Variants in HIKESHI observed in about 807,000 individuals in gnomAD.
HIKESHI encodes heat shock protein nuclear import factor hikeshi.
Under a neutral mutation model 25.7 loss-of-function variants are expected in HIKESHI, and 13 were observed. The ratio of observed to expected loss-of-function variants is 0.51; its 90% CI spans 0.33 to 0.80. The LOEUF is 0.80. Among genes scored for constraint, HIKESHI ranks in the 30% least tolerant of loss-of-function variants. HIKESHI has a pLI of 0.02. For synonymous variants in HIKESHI, 76 were observed against 78.7 expected (o/e 0.97, Z 0.18); for missense variants, 174 against 229.5 (o/e 0.76, Z 1.56).
At chr11:86,338,453 A>G (rs1489975826) in intron 3 of HIKESHI, among the ~76,000 whole-genome samples, 2 of 152,206 alleles carry the variant, frequency 1.3e-5, no homozygotes, top group Admixed American at 1.3e-4. Context: ...AGGCTGGTAG[A>G]TGTGGTGATG....
At chr11:86,307,383 AT>A (rs199528459) in intron 2 of HIKESHI, among the ~76,000 whole-genome samples, 1,792 of 28,198 alleles carry the variant, frequency 0.064, 394 homozygotes, top group African/African-American at 0.18. Context: ...TTATATATCA[AT>A]ATATTATGTG....
Position 86,316,771 on chromosome 11 carries a change from C to CTTTTTTTTTTTTTTT in HIKESHI, c.268+10315_268+10329dup, listed in dbSNP as rs71040229. ...TTATGAGTAATGAATCTGAAACATT[C>CTTTTTTTTTTTTTTT]TTTTTTTTTTTTTTTTTTTTTTTTT... On this transcript the variant is annotated intron_variant, in intron 2 of 4. Coordinates refer to ENST00000278483, the MANE Select transcript of HIKESHI (RefSeq NM_016401.4). Among the ~76,000 whole-genome samples, 45 of 68,792 alleles carry CTTTTTTTTTTTTTTT rather than the reference C, an allele frequency of 6.5e-4. 3 individuals are homozygous for CTTTTTTTTTTTTTTT. The highest frequency in any genetic ancestry group is 9.6e-4 in the Non-Finnish European group (36 of 37,488). The allele number at this position is 68,792 out of a possible 152,430, so 45.1% of individuals were successfully genotyped here. A position where few individuals can be genotyped will look rare whatever the true frequency, so the allele number is the denominator to read the frequency against.
At chr11:86,306,170 A>G (rs1946617780) in intron 1 of HIKESHI, 75 bp from the exon 2 acceptor site, 1 of 937,868 alleles carries the variant, frequency 1.1e-6, no homozygotes, top group South Asian at 1.6e-5. Flanking sequence ...TGGTAATATA[A>G]CTTATAAATG....
chr11:86,308,434 T>C (rs1431068046), intron 2 of HIKESHI, among the ~76,000 whole-genome samples: 2 of 146,850 alleles, frequency 1.4e-5, no homozygotes, highest in Non-Finnish European at 3.0e-5. Context: ...ATAAACCAGA[T>C]AGACTTGTAT....
chr11:86,305,955 C>T (rs1946612080), intron 1 of HIKESHI, among the ~76,000 whole-genome samples: 1 of 152,118 alleles, frequency 6.6e-6, no homozygotes, highest in Non-Finnish European at 1.5e-5. Flanking sequence ...GTTGGCCAAG[C>T]TGGTCTTGAA....
At chr11:86,328,654 G>A (rs181017199) in intron 2 of HIKESHI, among the ~76,000 whole-genome samples, 2 of 152,136 alleles carry the variant, frequency 1.3e-5, no homozygotes, top group Non-Finnish European at 2.9e-5. Flanking sequence ...ATCTTAGCCA[G>A]GCTGGTCTTG....
intron 3 of HIKESHI, among the ~76,000 whole-genome samples, chr11:86,339,899 C>T (rs1947676513): frequency 6.6e-6 from 1 of 151,772 alleles, no homozygotes; most frequent in South Asian, 2.1e-4. Context: ...TCCCCCTGCC[C>T]CCCACCCCAA....
intron 3 of HIKESHI, among the ~76,000 whole-genome samples, chr11:86,340,749 A>G (rs1381321101): frequency 6.6e-6 from 1 of 152,134 alleles, no homozygotes; most frequent in Non-Finnish European, 1.5e-5. Flanking sequence ...GGTTCAAGCA[A>G]TTCTCCTGTC....
chr11:86,332,395 G>C (rs1185642172), intron 2 of HIKESHI, among the ~76,000 whole-genome samples: 1 of 151,814 alleles, frequency 6.6e-6, no homozygotes, highest in Non-Finnish European at 1.5e-5. Context: ...TACTTCATGA[G>C]TTTTATTCTT....
At chr11:86,306,861 G>A (rs530954938) in intron 2 of HIKESHI, among the ~76,000 whole-genome samples, 36 of 151,532 alleles carry the variant, frequency 2.4e-4, no homozygotes, top group African/African-American at 7.7e-4. Flanking sequence ...TTAGCCGGGC[G>A]TGGTGGTGGG....
intron 2 of HIKESHI, among the ~76,000 whole-genome samples, chr11:86,311,014 TA>T (rs558355253): frequency 2.6e-5 from 4 of 152,348 alleles, no homozygotes; most frequent in African/African-American, 9.6e-5. Context: ...GTTATTGGTC[TA>T]AAATTCTCTT....
intron 2 of HIKESHI, among the ~76,000 whole-genome samples, chr11:86,319,490 C>T (rs1947097254): frequency 6.6e-6 from 1 of 151,742 alleles, no homozygotes; most frequent in African/African-American, 2.4e-5. Context: ...CTCCTGGGCT[C>T]AAGCAGTCCA....
intron 2 of HIKESHI, among the ~76,000 whole-genome samples, chr11:86,310,393 T>C (rs1946802950): frequency 6.6e-6 from 1 of 152,330 alleles, no homozygotes; most frequent in South Asian, 2.1e-4. Context: ...GTAAGAATGC[T>C]TGTGGTTTTT....
intron 2 of HIKESHI, among the ~76,000 whole-genome samples, chr11:86,332,239 C>T (rs1947446081): frequency 6.6e-6 from 1 of 152,140 alleles, no homozygotes; most frequent in African/African-American, 2.4e-5. Flanking sequence ...GCTGGGATTA[C>T]AGGCGTGAGC....
intron 2 of HIKESHI, among the ~76,000 whole-genome samples, chr11:86,313,318 C>A (rs1946884424): frequency 6.6e-6 from 1 of 152,150 alleles, no homozygotes. Context: ...GCAATCTCCA[C>A]CTCCCGGGTT....
At position 86,345,604 on chromosome 11, in the gene HIKESHI, G is replaced by A. The variant is rs766714056; in HGVS notation, c.560G>A (p.Arg187Gln). The A allele has an allele frequency of 2.6e-6, 4 of 1,551,718 alleles. No homozygotes were observed. The highest frequency in any genetic ancestry group is 2.4e-5 in the South Asian group (2 of 84,712). ...TCTAGGTATGAAAACTTTCAAAGAC[G>A]ACTAGCACAGAACCCTCTCTTTTGG... The part of the protein sequence containing the change: ...VLKWYENFQR[R>Q]LAQNPLFWKT Residue 187 changes from arginine (R) to glutamine (Q), a missense_variant, in exon 5 of 5, where the codon CGA becomes CAA. By Grantham distance (43) the Arg-to-Gln change is conservative (BLOSUM62 1). Transcript: ENST00000278483.
rs190799125 is a variant in HIKESHI at position 86,305,805 on chromosome 11, G to A, written c.31-440G>A. Among the ~76,000 whole-genome samples, 142 of 150,844 alleles carry A rather than the reference G, an allele frequency of 9.4e-4. 1 individual carries two copies. The highest frequency in any genetic ancestry group is 1.6e-3 in the Non-Finnish European group (110 of 67,628). ...GCCCAGGCTGGAGTGCAATGGTATG[G>A]TCTCAGCTCACTGCAACATCCACCA... is the stretch of plus-strand genomic sequence containing the variant. On this transcript the variant is annotated intron_variant, in intron 1 of 4. Coordinates refer to ENST00000278483, the MANE Select transcript of HIKESHI (RefSeq NM_016401.4).
intron 2 of HIKESHI, chr11:86,326,477 A>T (rs187278660): frequency 2.2e-6 from 1 of 455,402 alleles, no homozygotes; most frequent in African/African-American, 2.0e-5. Flanking sequence ...TTTTCTGTTT[A>T]TGTAGTGAAG....
At chr11:86,334,992 CA>C (rs1565739766) in intron 2 of HIKESHI, among the ~76,000 whole-genome samples, 1 of 152,162 alleles carries the variant, frequency 6.6e-6, no homozygotes, top group African/African-American at 2.4e-5. Flanking sequence ...TTGTAGCAAT[CA>C]GGGGAACATT....
Sources: allele counts gnomAD v4.1 joint callset (sites outside exome capture counted in the v4.1 genomes callset), GRCh38; gene constraint gnomAD v4.1.1; transcripts MANE v1.5; gene names NCBI Gene and HGNC (gene_info 2026-07-23, HGNC 2026-07-21).